Variants in SH3D19 observed in about 807,000 individuals in gnomAD.
SH3D19 encodes the protein SH3 domain containing 19.
In SH3D19, 58 loss-of-function variants were observed where a neutral mutation model predicts 112.1. The observed-to-expected ratio is 0.52, with a 90% CI of 0.42 to 0.64. The LOEUF is 0.64. Ranked by LOEUF, SH3D19 falls within the 30% of genes least tolerant of loss-of-function variation. SH3D19 has a pLI of 0.00. For synonymous variants in SH3D19, 391 were observed against 448.5 expected (o/e 0.87, Z 1.62); for missense variants, 1,090 against 1,263.4 (o/e 0.86, Z 2.08).
intron 2 of SH3D19, among the ~76,000 whole-genome samples, chr4:151,206,965 A>T (rs1765211805): frequency 6.6e-6 from 1 of 152,168 alleles, no homozygotes; most frequent in Admixed American, 6.5e-5. Flanking sequence ...ACCAAGCCCA[A>T]ATCTAAATAA....
At chr4:151,152,899 G>T (rs888524069) in intron 9 of SH3D19, among the ~76,000 whole-genome samples, 1 of 149,622 alleles carries the variant, frequency 6.7e-6, no homozygotes, top group Admixed American at 6.7e-5. Flanking sequence ...GTAGTGGCAC[G>T]ATCTTGGCTC....
chr4:151,158,456 C>A (rs535298552), intron 9 of SH3D19, among the ~76,000 whole-genome samples: 11 of 151,960 alleles, frequency 7.2e-5, no homozygotes, highest in South Asian at 4.1e-4. Context: ...CACGACACCA[C>A]GTCCGGCTAA....
chr4:151,236,753 A>G (rs1258827659), intron 1 of SH3D19, among the ~76,000 whole-genome samples: 1 of 152,170 alleles, frequency 6.6e-6, no homozygotes, highest in Middle Eastern at 3.2e-3. Context: ...GGGGACTTGG[A>G]GAACTTTTGT....
In SH3D19 at chr4:151,237,581, C is replaced by T. The variant is rs72723787; in HGVS notation, c.113-11495G>A. Among the ~76,000 whole-genome samples, 676 of 152,228 alleles carry T rather than the reference C, an allele frequency of 4.4e-3. 1 individual carries two copies. Among genetic ancestry groups the T allele is most frequent in the African/African-American group, 6.6e-3 (273 of 41,536 alleles). On this transcript the variant is annotated intron_variant, in intron 1 of 19. Coordinates refer to ENST00000604030, the MANE Select transcript of SH3D19 (RefSeq NM_001378122.1). ...TACCTGAAGGACCACAACAAACTGA[C>T]GTCTCTAAGCTTCAGTGTCCACATC...
intron 1 of SH3D19, among the ~76,000 whole-genome samples, chr4:151,237,025 G>A (rs1158004361): frequency 6.6e-6 from 1 of 152,350 alleles, no homozygotes; most frequent in East Asian, 1.9e-4. Context: ...TACTGTGGAA[G>A]CTTTGTTCTT....
intron 1 of SH3D19, among the ~76,000 whole-genome samples, chr4:151,296,957 A>T (rs1388204705): frequency 6.6e-6 from 1 of 152,224 alleles, no homozygotes; most frequent in East Asian, 1.9e-4. Context: ...TAAAATGTCA[A>T]AGCTATATTT....
At chr4:151,233,322 C>T (rs1371888211) in intron 1 of SH3D19, among the ~76,000 whole-genome samples, 1 of 152,120 alleles carries the variant, frequency 6.6e-6, no homozygotes, top group Admixed American at 6.6e-5. Context: ...CAGCCCTCTG[C>T]ACCTGGTCCA....
chr4:151,168,173 TAGAAGGTGAGAAGTATATTGA>T, intron 7 of SH3D19, among the ~76,000 whole-genome samples: 1 of 151,560 alleles, frequency 6.6e-6, no homozygotes, highest in African/African-American at 2.4e-5. Context: ...CGAGGTTTAT[TAGAAGGTGAGAAGTATATTGA>T]AAAAGGTGAG....
chr4:151,307,195 T>A (rs949370712), intron 1 of SH3D19, among the ~76,000 whole-genome samples: 1 of 151,804 alleles, frequency 6.6e-6, no homozygotes, highest in African/African-American at 2.4e-5. Context: ...ATTTTTTTTT[T>A]TTATTTTTAG....
At chr4:151,283,263 C>G in intron 1 of SH3D19, 1 of 1,613,556 alleles carries the variant, frequency 6.2e-7, no homozygotes, top group African/African-American at 1.3e-5. Context: ...TGGTGATACT[C>G]AAAACATGAA....
At chr4:151,199,993 C>A (rs1417319806) in intron 2 of SH3D19, among the ~76,000 whole-genome samples, 1 of 152,050 alleles carries the variant, frequency 6.6e-6, no homozygotes, top group Non-Finnish European at 1.5e-5. Context: ...GATTAATGTT[C>A]TCATAAAAGA....
intron 1 of SH3D19, among the ~76,000 whole-genome samples, chr4:151,306,201 G>A (rs1728896210): frequency 6.6e-6 from 1 of 152,090 alleles, no homozygotes; most frequent in South Asian, 2.1e-4. Context: ...TGGTGACTAT[G>A]GTAGTTGCCA....
chr4:151,166,131 C>T (rs1757984185), intron 7 of SH3D19: 2 of 158,026 alleles, frequency 1.3e-5, no homozygotes, highest in African/African-American at 4.8e-5. Context: ...AGGGCCCTCA[C>T]CCTACCCAGT....
At chr4:151,200,938 A>C (rs1269994656) in intron 2 of SH3D19, among the ~76,000 whole-genome samples, 1 of 152,222 alleles carries the variant, frequency 6.6e-6, no homozygotes, top group Non-Finnish European at 1.5e-5. Context: ...TCAGAGAGCG[A>C]GTTGCTCACA....
chr4:151,138,935 C>G (rs1414602388), intron 13 of SH3D19, among the ~76,000 whole-genome samples: 2 of 152,086 alleles, frequency 1.3e-5, no homozygotes, highest in Non-Finnish European at 2.9e-5. Flanking sequence ...TCAAGTGATT[C>G]TCCTGACTCA....
chr4:151,317,367 G>A lies in SH3D19; in HGVS notation c.112+7874C>T, dbSNP rs552887921. 2.0e-5 allele frequency among the ~76,000 whole-genome samples: 3 copies of A among 152,320 alleles called. No individual in the cohort carries two copies. In the East Asian group the frequency reaches 5.8e-4, roughly 29 times the overall value. On this transcript the variant is annotated intron_variant, in intron 1 of 19. Transcript: ENST00000604030. ...CCCAGAAAGATGCTATAAATTGCTG[G>A]ATGCTACAAAGCTAATTGACAGATG...
intron 2 of SH3D19, among the ~76,000 whole-genome samples, chr4:151,200,081 C>T (rs75959153): frequency 6.6e-6 from 1 of 152,246 alleles, no homozygotes; most frequent in East Asian, 1.9e-4. Context: ...AGACTGCAAG[C>T]CCTTATTAGA....
At chr4:151,317,231 G>A (rs1004487852) in intron 1 of SH3D19, among the ~76,000 whole-genome samples, 1 of 152,174 alleles carries the variant, frequency 6.6e-6, no homozygotes, top group African/African-American at 2.4e-5. Context: ...CTTAGTACAT[G>A]GGCAAACTGC....
At chr4:151,244,886 G>A (rs1313217926) in intron 1 of SH3D19, among the ~76,000 whole-genome samples, 1 of 152,204 alleles carries the variant, frequency 6.6e-6, no homozygotes, top group Non-Finnish European at 1.5e-5. Flanking sequence ...GCTCACGCCT[G>A]TAATCCCAGC....
Sources: allele counts gnomAD v4.1 joint callset (sites outside exome capture counted in the v4.1 genomes callset), GRCh38; gene constraint gnomAD v4.1.1; transcripts MANE v1.5; gene names NCBI Gene and HGNC (gene_info 2026-07-23, HGNC 2026-07-21).